Variants in THSD7A observed in about 807,000 individuals in gnomAD.
THSD7A encodes the protein thrombospondin type 1 domain containing 7A.
In THSD7A, 96 loss-of-function variants were observed where a neutral mutation model predicts 231.3. The observed-to-expected ratio is 0.41, with a 90% confidence interval of 0.35 to 0.49. THSD7A has a LOEUF of 0.49. THSD7A is among the 20% of genes least tolerant of loss of function. THSD7A has a pLI of 0.05. For synonymous variants in THSD7A, 940 were observed against 743.3 expected (o/e 1.26, Z -4.30); for missense variants, 2,290 against 2,070.2 (o/e 1.11, Z -2.06).
chr7:11,443,690 G>C (rs146989754), intron 13 of THSD7A, among the ~76,000 whole-genome samples: 6 of 151,910 alleles, frequency 3.9e-5, no homozygotes, highest in Admixed American at 6.6e-5. Context: ...GCCCAACAAC[G>C]TGAATGTACT....
At chr7:11,383,187 AC>A (rs1463515547) in intron 23 of THSD7A, among the ~76,000 whole-genome samples, 2 of 151,874 alleles carry the variant, frequency 1.3e-5, no homozygotes, top group Non-Finnish European at 2.9e-5. Flanking sequence ...ATATGGTATT[AC>A]TTTCATACAG....
rs2128185316 is a variant in THSD7A, at chr7:11,814,951, C to A, written c.190+16806G>T. Among the ~76,000 whole-genome samples the A allele has an allele frequency of 6.6e-6, 1 of 151,996 alleles. No homozygotes were observed. Among genetic ancestry groups the A allele is most frequent in the South Asian group, 2.1e-4 (1 of 4,810 alleles). On this transcript the variant is annotated intron_variant, in intron 1 of 27. Coordinates refer to ENST00000423059, the MANE Select transcript of THSD7A (RefSeq NM_015204.3). This position sits in a 1 kb window ranked among gnomAD's most constrained non-coding sequence, Gnocchi z 5.1. The stretch of plus-strand genomic sequence containing the variant: ...CTGATTACTCCTCTCTCCACAGGGC[C>A]CATGAACTAATGGGAACAAATGAAG...
At chr7:11,396,414 A>G (rs1783188872) in intron 23 of THSD7A, among the ~76,000 whole-genome samples, 1 of 152,182 alleles carries the variant, frequency 6.6e-6, no homozygotes, top group Non-Finnish European at 1.5e-5. Flanking sequence ...AAAAGAGAGA[A>G]GAATCAAATA....
intron 1 of THSD7A, among the ~76,000 whole-genome samples, chr7:11,647,596 T>C (rs1159608548): frequency 6.6e-6 from 1 of 152,074 alleles, no homozygotes; most frequent in East Asian, 1.9e-4. Flanking sequence ...TAAGATATAT[T>C]CTTTTGAATA....
intron 1 of THSD7A, among the ~76,000 whole-genome samples, chr7:11,736,171 GA>G (rs1466405997): frequency 6.6e-6 from 1 of 151,772 alleles, no homozygotes; most frequent in Non-Finnish European, 1.5e-5. Context: ...TGTAGAGAGA[GA>G]AAATAAAGCT....
chr7:11,415,366 C>A (rs1449746866), intron 17 of THSD7A, among the ~76,000 whole-genome samples: 2 of 152,156 alleles, frequency 1.3e-5, no homozygotes, highest in African/African-American at 2.4e-5. Flanking sequence ...TAGGTAAATT[C>A]TTTCATGGCC....
chr7:11,370,827 C>T lies in THSD7A; in HGVS notation c.*4967G>A, dbSNP rs542750026. The T allele has an allele frequency of 1.3e-5, 2 of 152,158 alleles. No individual in the cohort carries two copies. Among genetic ancestry groups the T allele is most frequent in the South Asian group, 4.1e-4 (2 of 4,822 alleles). 9.4% of individuals were successfully genotyped at this position (152,158 alleles called of 1,614,324 possible). A position where few individuals can be genotyped will look rare whatever the true frequency, so the allele number is the denominator to read the frequency against. On this transcript the variant is annotated 3_prime_UTR_variant, in exon 28 of 28. Transcript: ENST00000423059. ...ATATTTTACAATGATAGATACTGAT[C>T]TCTTCAAATCTGTGTGATAGAAATG...
intron 1 of THSD7A, among the ~76,000 whole-genome samples, chr7:11,683,415 T>C (rs1783944422): frequency 6.6e-6 from 1 of 151,614 alleles, no homozygotes; most frequent in Non-Finnish European, 1.5e-5. Context: ...AAAAAATCTA[T>C]ACAAAAATCA....
chr7:11,537,419 A>C (rs1302719537), intron 6 of THSD7A, among the ~76,000 whole-genome samples: 1 of 152,312 alleles, frequency 6.6e-6, no homozygotes, highest in East Asian at 1.9e-4. Flanking sequence ...TGAACGCTTT[A>C]GCACTATCTC....
chr7:11,688,085 G>A (rs1424710249), intron 1 of THSD7A, among the ~76,000 whole-genome samples: 11 of 55,540 alleles, frequency 2.0e-4, no homozygotes, highest in Admixed American at 2.9e-4. Flanking sequence ...ACAGGCCCCC[G>A]GTGTGTGATG....
At position 11,639,951 on chromosome 7, in the gene THSD7A, A is replaced by T. The variant is rs145512817; in HGVS notation, c.191-2990T>A. 1.4e-3 allele frequency among the ~76,000 whole-genome samples: 219 copies of T among 152,328 alleles called. 2 individuals carry two copies. The highest frequency in any genetic ancestry group is 4.9e-3 in the African/African-American group (205 of 41,582). ...CTTACAAACCAAATTTTAGCAAAAA[A>T]TCTTGGCTTACTTCTAAGTTCATTC... is the stretch of plus-strand genomic sequence containing the variant. On this transcript the variant is annotated intron_variant, in intron 1 of 27. Transcript: ENST00000423059.
intron 14 of THSD7A, among the ~76,000 whole-genome samples, chr7:11,427,707 T>C (rs989737790): frequency 1.2e-4 from 19 of 152,328 alleles, no homozygotes; most frequent in Admixed American, 1.2e-3. Context: ...TCAAAATTTG[T>C]AGAGAAATAT....
chr7:11,531,347 G>A (rs1264687489), intron 6 of THSD7A, among the ~76,000 whole-genome samples: 1 of 152,098 alleles, frequency 6.6e-6, no homozygotes, highest in Non-Finnish European at 1.5e-5. Flanking sequence ...TTAAAAACAT[G>A]TCGGTTCTGG....
chr7:11,823,796 C>T (rs1175480443), intron 1 of THSD7A, among the ~76,000 whole-genome samples: 1 of 151,688 alleles, frequency 6.6e-6, no homozygotes, highest in Non-Finnish European at 1.5e-5. Context: ...TGTTTTATCA[C>T]TTCCCATTAA....
At chr7:11,664,962 G>T (rs1270331809) in intron 1 of THSD7A, among the ~76,000 whole-genome samples, 1 of 151,968 alleles carries the variant, frequency 6.6e-6, no homozygotes, top group Non-Finnish European at 1.5e-5. Context: ...GGTGGCTTAG[G>T]TATTAAATTG....
At chr7:11,468,260 TA>T (rs768835933) in intron 9 of THSD7A, among the ~76,000 whole-genome samples, 50 of 152,230 alleles carry the variant, frequency 3.3e-4, no homozygotes, top group Non-Finnish European at 5.4e-4. Flanking sequence ...TAATTCTATG[TA>T]ATTAATGCTT....
chr7:11,652,714 G>T (rs1782551983), intron 1 of THSD7A, among the ~76,000 whole-genome samples: 1 of 151,814 alleles, frequency 6.6e-6, no homozygotes, highest in African/African-American at 2.4e-5. Context: ...AAATGGTTTT[G>T]CTTCCAAAAT....
intron 4 of THSD7A, among the ~76,000 whole-genome samples, chr7:11,572,626 G>A (rs1790690202): frequency 6.6e-6 from 1 of 151,980 alleles, no homozygotes; most frequent in Admixed American, 6.5e-5. Context: ...TCCCACCTCA[G>A]CCTCCTGAAT....
At chr7:11,635,638 C>T (rs1781809592) in intron 2 of THSD7A, among the ~76,000 whole-genome samples, 3 of 152,114 alleles carry the variant, frequency 2.0e-5, no homozygotes, top group Admixed American at 6.5e-5. Context: ...CCATTATATA[C>T]AATGTGCAAG....
Sources: gnomAD v4.1 joint callset for allele counts (sites outside exome capture counted in the v4.1 genomes callset) on GRCh38, gnomAD v4.1.1 for gene constraint, Gnocchi (gnomAD v3.1) non-coding constraint, MANE v1.5 for transcripts, NCBI Gene and HGNC (gene_info 2026-07-23, HGNC 2026-07-21) for gene names.